The following HERC2 variants were observed in gnomAD, a reference collection of about 807,000 sequenced individuals.
HERC2 encodes E3 ubiquitin-protein ligase HERC2.
HERC2 carries 102 observed loss-of-function variants against 537.7 expected under a neutral mutation model. The ratio of observed to expected loss-of-function variants is 0.19; its 90% CI spans 0.16 to 0.22. The LOEUF (loss-of-function observed/expected upper bound fraction) is 0.22. HERC2 is among the 10% of genes least tolerant of loss of function. The pLI is 1.00. For missense variants in HERC2, 4,236 were observed against 6,198.2 expected (o/e 0.68, Z 10.63); for synonymous variants, 2,224 against 2,466.2 (o/e 0.90, Z 2.91).
intron 9 of HERC2, chr15:28,271,982 A>T: frequency 1.9e-6 from 1 of 540,134 alleles, no homozygotes; most frequent in Non-Finnish European, 3.2e-6. Flanking sequence ...ATTTATTTAA[A>T]AGTGAATGTT....
intron 55 of HERC2, chr15:28,190,066 T>C (rs1896692961): frequency 6.7e-6 from 1 of 150,028 alleles, no homozygotes; most frequent in Non-Finnish European, 1.5e-5. Flanking sequence ...TGGAGTGCAG[T>C]GGCACGATCT....
intron 83 of HERC2, among the ~76,000 whole-genome samples, chr15:28,128,992 C>G (rs1160848521): frequency 6.6e-6 from 1 of 152,224 alleles, no homozygotes; most frequent in Non-Finnish European, 1.5e-5. Context: ...CTCTGACTGA[C>G]TCTTCTGCCT....
chr15:28,145,128 G>A (rs1369096295), intron 71 of HERC2, among the ~76,000 whole-genome samples: 2 of 152,256 alleles, frequency 1.3e-5, no homozygotes, highest in Non-Finnish European at 2.9e-5. Context: ...TGGCCTCCAG[G>A]TGTCCAGCAC....
intron 2 of HERC2, among the ~76,000 whole-genome samples, chr15:28,316,216 C>CT (rs1158127759): frequency 1.9e-5 from 2 of 107,320 alleles, no homozygotes; most frequent in African/African-American, 7.5e-5. Context: ...GAGTGAGACT[C>CT]TGTCTCAAAA....
chr15:28,188,283 C>CAA (rs1186116163), intron 55 of HERC2, among the ~76,000 whole-genome samples: 1 of 152,220 alleles, frequency 6.6e-6, no homozygotes, highest in East Asian at 1.9e-4. Context: ...TGGCTCACGC[C>CAA]TGTAATCCCA....
intron 3 of HERC2, among the ~76,000 whole-genome samples, chr15:28,295,308 T>TGGGGGGGGGGGGGGGGGG (rs3079935): frequency 1.3e-5 from 1 of 79,622 alleles, no homozygotes; most frequent in Non-Finnish European, 2.4e-5. Flanking sequence ...TACATGTGTG[T>TGGGGGGGGGGGGGGGGGG]GGGGGGGGGG....
At chr15:28,157,479 G>C (rs1893127748) in intron 69 of HERC2, among the ~76,000 whole-genome samples, 1 of 152,162 alleles carries the variant, frequency 6.6e-6, no homozygotes, top group African/African-American at 2.4e-5. Context: ...TTGGGTGGGT[G>C]TATGTGTCCA....
In HERC2 at chr15:28,260,891, C is replaced by T. The variant is rs1017306147; in HGVS notation, c.2202G>A (p.Gly734=). The change falls in exon 16 of 93, where the codon GGG becomes GGA. Residue 734 remains glycine, a synonymous_variant. Transcript: ENST00000261609. The stretch of plus-strand genomic sequence containing the variant: ...CAAAGTGCTGGCACTGGTCGTTGCT[C>T]CCCCAGCTGTGGACCTCGCTGTCCT... ...LTEDSEVHSW[G]SNDQCQHFDT... is the part of the protein sequence containing the mutation. 44 of 1,614,042 alleles carry T rather than the reference C, an allele frequency of 2.7e-5. No homozygotes were observed. In the Admixed American group the frequency reaches 6.5e-4, roughly 24 times the overall value.
chr15:28,169,473 C>T lies in HERC2; in HGVS notation c.10229+11G>A. The T allele has an allele frequency of 6.5e-7, 1 of 1,549,472 alleles. No homozygotes were observed. The highest frequency in any genetic ancestry group is 2.3e-5 in the East Asian group (1 of 43,730). ...AATTGCAGAATTTCAAAAATTAGCA[C>T]AGAAGCCTACCTGGCATACATGATT... is the stretch of plus-strand genomic sequence containing the variant. On this transcript the variant is annotated intron_variant, in intron 66 of 92. Transcript: ENST00000261609.
At chr15:28,180,815 T>G (rs1312408197) in intron 57 of HERC2, among the ~76,000 whole-genome samples, 1 of 152,208 alleles carries the variant, frequency 6.6e-6, no homozygotes, top group Non-Finnish European at 1.5e-5. Flanking sequence ...TAACAACTAT[T>G]GACATACCAT....
At chr15:28,287,740 G>GTTTTTTTTTT (rs1461307820) in intron 4 of HERC2, among the ~76,000 whole-genome samples, 11 of 141,048 alleles carry the variant, frequency 7.8e-5, no homozygotes, top group South Asian at 2.2e-4. Flanking sequence ...TTTTTTTTTG[G>GTTTTTTTTTT]TTTGAGATGG....
intron 16 of HERC2, 61 bp downstream of exon 16, chr15:28,260,716 G>C (rs2075393484): frequency 2.2e-6 from 3 of 1,379,592 alleles, no homozygotes; most frequent in Non-Finnish European, 3.1e-6. Context: ...CTACATACTG[G>C]TAATGAACAA....
intron 70 of HERC2, among the ~76,000 whole-genome samples, chr15:28,146,559 C>T (rs1239576222): frequency 6.6e-6 from 1 of 152,242 alleles, no homozygotes; most frequent in Admixed American, 6.5e-5. Flanking sequence ...AACACTTCCA[C>T]TTGGCCAATT....
intron 2 of HERC2, among the ~76,000 whole-genome samples, chr15:28,310,369 C>G (rs1232381634): frequency 1.3e-5 from 2 of 151,940 alleles, no homozygotes; most frequent in Non-Finnish European, 2.9e-5. Context: ...TGCTTGAGAC[C>G]AGGAGGTAGA....
chr15:28,225,223 G>A (rs1430479989), intron 35 of HERC2, among the ~76,000 whole-genome samples: 10 of 151,678 alleles, frequency 6.6e-5, no homozygotes, highest in African/African-American at 2.4e-4. Context: ...ACTGTACTTC[G>A]GCCTGAAGGA....
At chr15:28,291,635 A>G (rs548706079) in intron 4 of HERC2, among the ~76,000 whole-genome samples, 151 of 152,270 alleles carry the variant, frequency 9.9e-4, no homozygotes, top group African/African-American at 3.4e-3. Context: ...CACAAAAAAA[A>G]GTAAGCAAAG....
chr15:28,246,521 T>A (rs974712471), intron 22 of HERC2, among the ~76,000 whole-genome samples: 2 of 151,856 alleles, frequency 1.3e-5, no homozygotes, highest in African/African-American at 4.8e-5. Context: ...AATGGAAGTA[T>A]AAATCTAAAT....
chr15:28,315,449 G>A (rs1274759383), intron 2 of HERC2, among the ~76,000 whole-genome samples: 2 of 152,228 alleles, frequency 1.3e-5, no homozygotes, highest in African/African-American at 4.8e-5. Flanking sequence ...GGTCGGACAA[G>A]GTTTATAAAC....
intron 5 of HERC2, 86 bp from the exon 6 acceptor site, chr15:28,275,091 T>C: frequency 2.7e-6 from 2 of 741,824 alleles, no homozygotes; most frequent in South Asian, 1.9e-5. Context: ...AAAGGGTGTG[T>C]ACCAAAATCC....
Sources: allele counts gnomAD v4.1 joint callset (sites outside exome capture counted in the v4.1 genomes callset), GRCh38; gene constraint gnomAD v4.1.1; transcripts MANE v1.5; gene names NCBI Gene and HGNC (gene_info 2026-07-23, HGNC 2026-07-21).